The following INIP variants were observed in gnomAD, a reference collection of about 807,000 sequenced individuals.
INIP encodes the protein SOSS complex subunit C.
INIP carries 9 observed loss-of-function variants against 14.0 expected under a neutral mutation model. The observed-to-expected ratio is 0.64, with a 90% CI of 0.39 to 1.12. The LOEUF is 1.12. Among genes scored for constraint, INIP ranks in the 50% most tolerant of loss-of-function variants. The pLI, the probability that INIP is intolerant of heterozygous loss-of-function variation, is 0.01. For missense variants in INIP, 78 were observed against 122.7 expected (o/e 0.64, Z 1.72); for synonymous variants, 37 against 41.5 (o/e 0.89, Z 0.41).
intron 2 of INIP, among the ~76,000 whole-genome samples, chr9:112,698,427 A>G (rs982327427): frequency 1.3e-5 from 2 of 152,126 alleles, no homozygotes. Flanking sequence ...GAAAACTTCA[A>G]CTATCTTAAT....
chr9:112,710,038 G>A (rs973191326), intron 2 of INIP, among the ~76,000 whole-genome samples: 1 of 152,240 alleles, frequency 6.6e-6, no homozygotes, highest in Admixed American at 6.5e-5. Flanking sequence ...ATTTTCAGAT[G>A]CTATTTATGC....
chr9:112,700,516 G>A (rs1021899051), intron 2 of INIP, among the ~76,000 whole-genome samples: 1 of 137,524 alleles, frequency 7.3e-6, no homozygotes, highest in Non-Finnish European at 1.5e-5. Context: ...TATAAATTAG[G>A]TATATATAAT....
At chr9:112,691,609 C>G (rs1837886141) in intron 3 of INIP, among the ~76,000 whole-genome samples, 1 of 152,250 alleles carries the variant, frequency 6.6e-6, no homozygotes, top group African/African-American at 2.4e-5. Flanking sequence ...GAAGGGCTGT[C>G]AGCATTCAAG....
intron 3 of INIP, among the ~76,000 whole-genome samples, chr9:112,692,833 G>GT (rs1359390489): frequency 1.3e-5 from 2 of 151,690 alleles, no homozygotes; most frequent in Admixed American, 6.6e-5. Flanking sequence ...GAGGCCAGGA[G>GT]TTTGAGACCA....
chr9:112,708,150 T>C (rs1452319997), intron 2 of INIP, among the ~76,000 whole-genome samples: 1 of 152,218 alleles, frequency 6.6e-6, no homozygotes, highest in African/African-American at 2.4e-5. Context: ...AGAAACCATT[T>C]GATGAGCATT....
intron 1 of INIP, among the ~76,000 whole-genome samples, 175 bp downstream of exon 1, chr9:112,717,812 A>G (rs535343262): frequency 6.6e-6 from 1 of 152,314 alleles, no homozygotes; most frequent in East Asian, 1.9e-4. Flanking sequence ...ACGGATGTGC[A>G]GAGCCGGCTG....
Position 112,694,174 on chromosome 9 carries a change from GTTTTC to G in INIP, c.80_84del (p.Arg27ThrfsTer15). The G allele has an allele frequency of 6.2e-7, 1 of 1,611,672 alleles. No homozygotes were observed. ...GTTGAAGACTGGTTCTGCATAAGTA[GTTTTC>G]TTTTCTCTTTGTCCAGTTCTGCCAA... On this transcript the variant is annotated frameshift_variant, in exon 3 of 5. Coordinates refer to ENST00000374242, the MANE Select transcript of INIP (RefSeq NM_021218.3). LOFTEE classifies it high-confidence loss of function.
intron 2 of INIP, among the ~76,000 whole-genome samples, chr9:112,708,078 T>A (rs1233249966): frequency 6.6e-6 from 1 of 152,164 alleles, no homozygotes; most frequent in Non-Finnish European, 1.5e-5. Flanking sequence ...AAAATAGAGA[T>A]CAATCAAATA....
In INIP at chr9:112,716,482, C is replaced by T. The variant is rs1407421586; in HGVS notation, c.4G>A (p.Ala2Thr). The T allele has an allele frequency of 6.2e-6, 10 of 1,613,512 alleles. No individual in the cohort carries two copies. The highest frequency in any genetic ancestry group is 8.5e-6 in the Non-Finnish European group (10 of 1,179,664). ...TTACCTTGTCCTGAAGAGTTTGCTG[C>T]CATTTTCCTATTTTGTTTCAAGTAT... M[A>T]ANSSGQGFQN... Residue 2 changes from alanine to threonine, a missense_variant, in exon 2 of 5, where the codon GCA (alanine) becomes ACA (threonine). Transcript: ENST00000374242.
chr9:112,692,900 G>A (rs527508475), intron 3 of INIP, among the ~76,000 whole-genome samples: 1 of 151,560 alleles, frequency 6.6e-6, no homozygotes, highest in Admixed American at 6.6e-5. Context: ...AATTAGCCAG[G>A]TATGGTAGGG....
intron 4 of INIP, among the ~76,000 whole-genome samples, chr9:112,687,885 A>G (rs895011122): frequency 7.2e-5 from 11 of 152,082 alleles, no homozygotes; most frequent in Non-Finnish European, 1.3e-4. Context: ...GGAGATCGAG[A>G]CCATCCTGGC....
intron 1 of INIP, among the ~76,000 whole-genome samples, chr9:112,717,610 A>G (rs1205404432): frequency 1.3e-5 from 2 of 152,228 alleles, no homozygotes; most frequent in African/African-American, 4.8e-5. Flanking sequence ...ATTGGCAGCA[A>G]AGAGTGATGC....
In INIP at chr9:112,711,144, T is replaced by C. The variant is rs143207752; in HGVS notation, c.25+5317A>G. 2.1e-3 allele frequency among the ~76,000 whole-genome samples: 321 copies of C among 152,196 alleles called. 3 individuals carry two copies. Among genetic ancestry groups the C allele is most frequent in the Middle Eastern group, 0.017 (5 of 292 alleles). On this transcript the variant is annotated intron_variant, in intron 2 of 4. Transcript: ENST00000374242. ...ACAATCACAACACTGCTCTCCAGCC[T>C]GGGCAACAGAGCGAGACCCTGCCTC...
chr9:112,703,697 C>T (rs76211465), intron 2 of INIP, among the ~76,000 whole-genome samples: 1,830 of 152,282 alleles, frequency 0.012, 17 homozygotes, highest in Middle Eastern at 0.048. Flanking sequence ...TCCACCTCAG[C>T]CTCCCAAATG....
intron 2 of INIP, among the ~76,000 whole-genome samples, chr9:112,704,639 T>A (rs1285031569): frequency 1.3e-5 from 2 of 152,176 alleles, no homozygotes; most frequent in African/African-American, 2.4e-5. Context: ...ACCTTGTGTT[T>A]TAATTAAGAA....
At chr9:112,699,925 C>T (rs1399333258) in intron 2 of INIP, among the ~76,000 whole-genome samples, 1 of 152,094 alleles carries the variant, frequency 6.6e-6, no homozygotes, top group African/African-American at 2.4e-5. Flanking sequence ...GCATGACACC[C>T]CAGGCCAACA....
chr9:112,693,413 C>T (rs184236358), intron 3 of INIP, among the ~76,000 whole-genome samples: 5 of 152,248 alleles, frequency 3.3e-5, no homozygotes, highest in African/African-American at 9.6e-5. Context: ...TTACTCCATT[C>T]GTTTTCTCCA....
At chr9:112,715,127 C>T (rs976241332) in intron 2 of INIP, among the ~76,000 whole-genome samples, 1 of 127,598 alleles carries the variant, frequency 7.8e-6, no homozygotes, top group Non-Finnish European at 1.6e-5. Flanking sequence ...CACATACATA[C>T]ATACATACAC....
chr9:112,707,390 A>G (rs1330863727), intron 2 of INIP, among the ~76,000 whole-genome samples: 2 of 151,532 alleles, frequency 1.3e-5, no homozygotes, highest in Non-Finnish European at 2.9e-5. Context: ...TTGAAAAAAC[A>G]TTTCCACTTT....
Sources: allele counts gnomAD v4.1 joint callset (sites outside exome capture counted in the v4.1 genomes callset), GRCh38; gene constraint gnomAD v4.1.1; transcripts MANE v1.5; gene names NCBI Gene and HGNC (gene_info 2026-07-23, HGNC 2026-07-21).